Variants in FAM110B observed in about 807,000 individuals in gnomAD.
FAM110B encodes family with sequence similarity 110 member B.
Under a neutral mutation model 20.4 loss-of-function variants are expected in FAM110B, and 6 were observed. That is an observed-to-expected ratio of 0.29 (90% CI 0.16 to 0.58). The LOEUF (loss-of-function observed/expected upper bound fraction) is 0.58. Ranked by LOEUF, FAM110B falls within the 20% of genes least tolerant of loss-of-function variation. FAM110B has a pLI of 0.90. For synonymous variants in FAM110B, 226 were observed against 214.1 expected, an observed-to-expected ratio of 1.06 and a Z score of -0.49; for missense variants, 434 against 498.2, an observed-to-expected ratio of 0.87 and a Z score of 1.23.
intron 3 of FAM110B, among the ~76,000 whole-genome samples, chr8:58,117,017 G>A (rs1297999159): frequency 6.6e-6 from 1 of 152,168 alleles, no homozygotes; most frequent in African/African-American, 2.4e-5. Flanking sequence ...GAGAAGGTGA[G>A]TGCATATCTC....
At chr8:58,126,361 T>C (rs760105042) in intron 3 of FAM110B, among the ~76,000 whole-genome samples, 1 of 151,974 alleles carries the variant, frequency 6.6e-6, no homozygotes, top group Non-Finnish European at 1.5e-5. Flanking sequence ...TCTGAACAAC[T>C]GTGTATAGTT....
At chr8:58,118,193 T>A (rs1354591363) in intron 3 of FAM110B, among the ~76,000 whole-genome samples, 1 of 152,252 alleles carries the variant, frequency 6.6e-6, no homozygotes, top group Non-Finnish European at 1.5e-5. Context: ...ATTTCTTCTC[T>A]TATTTCTCCT....
intron 2 of FAM110B, among the ~76,000 whole-genome samples, chr8:58,039,340 T>C (rs1259971639): frequency 6.6e-6 from 1 of 152,216 alleles, no homozygotes; most frequent in Non-Finnish European, 1.5e-5. Flanking sequence ...AGTCCCTGTT[T>C]GTCTCCCTGC....
chr8:58,004,833 G>A (rs1379973429), intron 1 of FAM110B, among the ~76,000 whole-genome samples: 1 of 152,210 alleles, frequency 6.6e-6, no homozygotes, highest in Non-Finnish European at 1.5e-5. Flanking sequence ...CTTCATTGAA[G>A]AGAGTTAAGG....
chr8:58,134,640 T>A (rs1803567397), intron 3 of FAM110B, among the ~76,000 whole-genome samples: 1 of 152,232 alleles, frequency 6.6e-6, no homozygotes. Flanking sequence ...TAAAATTAGG[T>A]GATCTCTGCT....
intron 3 of FAM110B, among the ~76,000 whole-genome samples, chr8:58,124,816 G>A (rs1807453595): frequency 2.0e-5 from 3 of 152,096 alleles, no homozygotes; most frequent in African/African-American, 7.2e-5. Flanking sequence ...GTCAAATATG[G>A]TATCTCTGAC....
intron 1 of FAM110B, among the ~76,000 whole-genome samples, chr8:58,012,354 GTAGT>G (rs886729208): frequency 1.3e-5 from 2 of 151,354 alleles, no homozygotes; most frequent in African/African-American, 2.4e-5. Context: ...TTTTTGGCTG[GTAGT>G]TGGTTGTGTT....
At chr8:58,045,301 G>A (rs1585838283) in intron 2 of FAM110B, among the ~76,000 whole-genome samples, 2 of 152,176 alleles carry the variant, frequency 1.3e-5, no homozygotes, top group African/African-American at 4.8e-5. Flanking sequence ...TCGCTACTGT[G>A]TCGCTCTTCA....
intron 3 of FAM110B, among the ~76,000 whole-genome samples, chr8:58,137,116 A>G (rs140708861): frequency 1.6e-3 from 244 of 152,364 alleles, no homozygotes; most frequent in African/African-American, 5.4e-3. Flanking sequence ...TGCATGGTCA[A>G]TCCTCTTTGA....
intron 2 of FAM110B, among the ~76,000 whole-genome samples, chr8:58,065,642 G>A (rs1032759097): frequency 6.6e-6 from 1 of 152,036 alleles, no homozygotes; most frequent in Admixed American, 6.6e-5. Context: ...ATCATATCCA[G>A]TTACTATGCC....
chr8:58,068,589 A>G (rs1276408750), intron 2 of FAM110B, among the ~76,000 whole-genome samples: 1 of 69,820 alleles, frequency 1.4e-5, no homozygotes, highest in East Asian at 2.9e-4. Context: ...AAAGTTTTTT[A>G]GCTAAAAATA....
intron 1 of FAM110B, among the ~76,000 whole-genome samples, chr8:57,999,225 C>T (rs1804246671): frequency 6.6e-6 from 1 of 152,100 alleles, no homozygotes; most frequent in Admixed American, 6.5e-5. Context: ...AAATGAATAC[C>T]TAAGCAAAAG....
intron 3 of FAM110B, among the ~76,000 whole-genome samples, chr8:58,088,147 C>T (rs60139253): frequency 0.021 from 3,170 of 152,242 alleles, 59 homozygotes; most frequent in South Asian, 0.083. Context: ...AACACACAGA[C>T]TATCAAAATG....
At chr8:58,136,755 A>AT (rs1260274124) in intron 3 of FAM110B, among the ~76,000 whole-genome samples, 1 of 152,096 alleles carries the variant, frequency 6.6e-6, no homozygotes, top group Non-Finnish European at 1.5e-5. Context: ...GAAATGTGAA[A>AT]TTTTTTTCTG....
intron 2 of FAM110B, among the ~76,000 whole-genome samples, chr8:58,051,169 C>T (rs1372849111): frequency 1.3e-5 from 2 of 152,094 alleles, no homozygotes. Flanking sequence ...AGGACTGGAG[C>T]CAGGTGTGCA....
intron 3 of FAM110B, among the ~76,000 whole-genome samples, chr8:58,105,083 G>A (rs928063427): frequency 6.6e-6 from 1 of 151,754 alleles, no homozygotes; most frequent in Non-Finnish European, 1.5e-5. Context: ...CTAGGAAGTG[G>A]AACTAGGTGC....
intron 3 of FAM110B, among the ~76,000 whole-genome samples, chr8:58,115,667 TA>T (rs1336160452): frequency 6.6e-6 from 1 of 152,204 alleles, no homozygotes. Flanking sequence ...GTGCTGGGAT[TA>T]CAGCAGAGTC....
At chr8:58,103,470 A>G (rs555517224) in intron 3 of FAM110B, among the ~76,000 whole-genome samples, 62 of 152,028 alleles carry the variant, frequency 4.1e-4, no homozygotes, top group Middle Eastern at 3.4e-3. Flanking sequence ...ATGATTTCCA[A>G]TTTCATCCAT....
chr8:58,086,094 C>T (rs1182126419), intron 3 of FAM110B, among the ~76,000 whole-genome samples: 2 of 152,134 alleles, frequency 1.3e-5, no homozygotes, highest in Admixed American at 6.5e-5. Flanking sequence ...ATGAAATTAA[C>T]GCTGTGTTCA....
Sources: gnomAD v4.1 joint callset for allele counts (sites outside exome capture counted in the v4.1 genomes callset) on GRCh38, gnomAD v4.1.1 for gene constraint, MANE v1.5 for transcripts, NCBI Gene and HGNC (gene_info 2026-07-23, HGNC 2026-07-21) for gene names.